PCDHA4: variants seen among roughly 807,000 people sequenced by gnomAD.
The protein encoded by PCDHA4 is protocadherin alpha 4.
PCDHA4 carries 49 observed loss-of-function variants against 61.4 expected under a neutral mutation model. That is an observed-to-expected ratio of 0.80 (90% CI 0.63 to 1.01). The LOEUF is 1.01. Ranked by LOEUF, PCDHA4 falls within the 50% of genes least tolerant of loss-of-function variation. The pLI is 0.00. For missense variants in PCDHA4, 1,254 were observed against 1,235.8 expected (o/e 1.01, Z -0.22); for synonymous variants, 590 against 550.3 (o/e 1.07, Z -1.01).
chr5:140,815,493 T>C (rs2126664766), intron 1 of PCDHA4: 195 of 151,928 alleles, frequency 1.3e-3, no homozygotes, highest in African/African-American at 4.6e-3. Flanking sequence ...CCAAATTTTA[T>C]GTTATTGATG....
At chr5:140,821,882 A>T (rs1302736713) in intron 1 of PCDHA4, 2 of 1,614,102 alleles carry the variant, frequency 1.2e-6, no homozygotes, top group Admixed American at 1.7e-5. Flanking sequence ...TCGATCCCGG[A>T]GGAAGCCAAA....
chr5:140,837,864 A>G (rs1279625431), intron 1 of PCDHA4, among the ~76,000 whole-genome samples: 2 of 151,530 alleles, frequency 1.3e-5, no homozygotes, highest in East Asian at 1.9e-4. Flanking sequence ...ATTTTTGTAG[A>G]GACAGGGTGG....
intron 1 of PCDHA4, among the ~76,000 whole-genome samples, chr5:140,833,370 T>C (rs2150208033): frequency 6.6e-6 from 1 of 152,200 alleles, no homozygotes; most frequent in Admixed American, 6.5e-5. Flanking sequence ...GTAAGGTAGA[T>C]CCAAAAAGGA....
intron 1 of PCDHA4, among the ~76,000 whole-genome samples, chr5:140,878,493 C>A (rs1339637878): frequency 6.6e-6 from 1 of 152,008 alleles, no homozygotes; most frequent in Non-Finnish European, 1.5e-5. Context: ...AATATTTAAC[C>A]ATCTGTACGA....
intron 1 of PCDHA4, among the ~76,000 whole-genome samples, chr5:140,878,693 C>T (rs932928385): frequency 6.6e-6 from 1 of 152,136 alleles, no homozygotes; most frequent in South Asian, 2.1e-4. Context: ...TCTTACATAC[C>T]CCAGCCTGGT....
chr5:140,823,689 G>T, intron 1 of PCDHA4: 4 of 1,613,998 alleles, frequency 2.5e-6, no homozygotes, highest in Non-Finnish European at 3.4e-6. Context: ...CTCTGGATGA[G>T]ACCGAAGCAC....
chr5:141,008,731 A>G (rs570212555), intron 3 of PCDHA4, among the ~76,000 whole-genome samples: 88 of 152,328 alleles, frequency 5.8e-4, no homozygotes, highest in Non-Finnish European at 1.0e-3. Flanking sequence ...GTCCAACTAG[A>G]CTGTGAGCAC....
At chr5:140,859,564 T>C (rs1485342006) in intron 1 of PCDHA4, 1 of 176,228 alleles carries the variant, frequency 5.7e-6, no homozygotes, top group African/African-American at 2.4e-5. Context: ...ACCAATGCCA[T>C]GAATTTGTCA....
chr5:140,968,594 A>G (rs1218717024), intron 1 of PCDHA4: 3 of 1,614,176 alleles, frequency 1.9e-6, no homozygotes, highest in Non-Finnish European at 2.5e-6. Flanking sequence ...AGTCATAGCT[A>G]TGGACTCAGA....
rs138359227 is a variant in PCDHA4 at position 140,829,964 on chromosome 5, G to A, written c.2385+20392G>A. On this transcript the variant is annotated intron_variant, in intron 1 of 3. Coordinates refer to ENST00000530339, the MANE Select transcript of PCDHA4 (RefSeq NM_018907.4). ...CAGCGCTCGCTTCCCGTTTCGCGTG[G>A]GGCTGTACACGGGCGAGATCAGCAC... The A allele has an allele frequency of 5.0e-6, 8 of 1,613,888 alleles. No individual in the cohort carries two copies. The African/African-American group carries it at 1.1e-4, about 22-fold the overall frequency.
intron 1 of PCDHA4, chr5:140,869,124 G>C: frequency 6.2e-7 from 1 of 1,608,632 alleles, no homozygotes; most frequent in East Asian, 2.2e-5. Flanking sequence ...TTCAGAGAAG[G>C]GGATTGGGCA....
chr5:140,914,504 T>A (rs1554196424), intron 1 of PCDHA4, among the ~76,000 whole-genome samples: 1 of 152,202 alleles, frequency 6.6e-6, no homozygotes, highest in Non-Finnish European at 1.5e-5. Flanking sequence ...AACAGATCAT[T>A]GGGTCATGTT....
At chr5:140,866,241 A>C (rs1554160141) in intron 1 of PCDHA4, 1 of 152,134 alleles carries the variant, frequency 6.6e-6, no homozygotes, top group African/African-American at 2.4e-5. Context: ...ATATACCAAA[A>C]ATGACACCCT....
At chr5:140,903,570 C>G (rs781884167) in intron 1 of PCDHA4, among the ~76,000 whole-genome samples, 3 of 152,154 alleles carry the variant, frequency 2.0e-5, no homozygotes, top group Non-Finnish European at 4.4e-5. Context: ...GAATTGGGAG[C>G]TGTCTAGCTG....
intron 1 of PCDHA4, among the ~76,000 whole-genome samples, chr5:140,950,569 T>C (rs969438550): frequency 1.3e-5 from 2 of 152,120 alleles, no homozygotes; most frequent in African/African-American, 2.4e-5. Context: ...TATTTTAAGG[T>C]TTTCTACTTA....
intron 1 of PCDHA4, among the ~76,000 whole-genome samples, chr5:140,917,535 T>C (rs2078248743): frequency 3.3e-5 from 5 of 152,278 alleles, no homozygotes; most frequent in South Asian, 4.1e-4. Flanking sequence ...TTGTATAGTT[T>C]TAGGTTTTAC....
At chr5:140,898,015 T>C (rs376663063) in intron 1 of PCDHA4, among the ~76,000 whole-genome samples, 3 of 152,154 alleles carry the variant, frequency 2.0e-5, no homozygotes, top group Non-Finnish European at 4.4e-5. Context: ...TCATATCCTT[T>C]GCCCACTTTT....
Position 141,011,614 on chromosome 5 carries a change from T to C in PCDHA4, c.*1677T>C, listed in dbSNP as rs1268321894. On this transcript the variant is annotated 3_prime_UTR_variant, in exon 4 of 4. Transcript: ENST00000530339. ...GTGATTCAAGGAATTTTATTTATGG[T>C]CCAGCCAAGAGCCATCTCGTGCCAA... 5 of 153,774 alleles carry C rather than the reference T, an allele frequency of 3.3e-5. No individual in the cohort carries two copies. Among genetic ancestry groups the C allele is most frequent in the African/African-American group, 1.2e-4 (5 of 41,460 alleles). 9.5% of individuals were successfully genotyped at this position (153,774 alleles called of 1,614,324 possible). A position where few individuals can be genotyped will look rare whatever the true frequency, so the allele number is the denominator to read the frequency against.
chr5:140,853,671 A>G (rs1314444035), intron 1 of PCDHA4: 5 of 988,246 alleles, frequency 5.1e-6, no homozygotes, highest in East Asian at 1.1e-4. Flanking sequence ...ATTGGGGCCT[A>G]TGGTCAACCT....
Sources: allele counts gnomAD v4.1 joint callset (sites outside exome capture counted in the v4.1 genomes callset), GRCh38; gene constraint gnomAD v4.1.1; transcripts MANE v1.5; gene names NCBI Gene and HGNC (gene_info 2026-07-23, HGNC 2026-07-21).